The following TXLNG variants were observed in gnomAD, a reference collection of about 807,000 sequenced individuals.
The protein encoded by TXLNG is taxilin gamma.
TXLNG carries 5 observed loss-of-function variants against 38.8 expected under a neutral mutation model. The ratio of observed to expected loss-of-function variants is 0.13; its 90% CI spans 0.07 to 0.27. The LOEUF is 0.27. TXLNG is among the 10% of genes least tolerant of loss of function. The pLI, the probability that TXLNG is intolerant of heterozygous loss-of-function variation, is 1.00. For synonymous variants in TXLNG, 182 were observed against 158.2 expected (o/e 1.15, Z -1.13); for missense variants, 393 against 398.2 (o/e 0.99, Z 0.11).
Position 16,814,606 on chromosome X carries a change from C to T in TXLNG, c.103-3968C>T, listed in dbSNP as rs1389425542. 4.5e-5 allele frequency among the ~76,000 whole-genome samples: 5 copies of T among 111,557 alleles called. No individual in the cohort carries two copies. The East Asian group carries it at 1.4e-3, about 31-fold the overall frequency. On this transcript the variant is annotated intron_variant, in intron 1 of 9. Transcript: ENST00000380122. ...CTCCAGCCTGGGTGACAGAGTGAGA[C>T]TCCATCTCAAAAGAAAAAATAGGCA...
intron 3 of TXLNG, among the ~76,000 whole-genome samples, chrX:16,827,352 G>T (rs986832175): frequency 8.9e-6 from 1 of 111,774 alleles, no homozygotes; most frequent in Non-Finnish European, 1.9e-5. Context: ...TTCGGGACAT[G>T]CCTGGCTTTA....
chrX:16,822,692 G>T (rs1929021952), intron 3 of TXLNG, among the ~76,000 whole-genome samples: 1 of 112,198 alleles, frequency 8.9e-6, no homozygotes, highest in African/African-American at 3.2e-5. Flanking sequence ...AGAAAAAGCA[G>T]TGTCGAAGGT....
At chrX:16,790,505 T>C (rs1927664840) in intron 1 of TXLNG, among the ~76,000 whole-genome samples, 2 of 111,568 alleles carry the variant, frequency 1.8e-5, no homozygotes, top group Admixed American at 1.9e-4. Flanking sequence ...CCTGGCCTGA[T>C]CTTTTTACTG....
chrX:16,841,617 T>G lies in TXLNG; in HGVS notation c.1438T>G (p.Cys480Gly). The stretch of plus-strand genomic sequence containing the variant: ...TTTAGCAACACCTGTGATGCAGCCC[T>G]GTACTGCCCTGGATTCTCACAAGGA... ...RDLATPVMQP[C>G]TALDSHKELN... is the part of the protein sequence containing the mutation. Residue 480 changes from cysteine to glycine, a missense_variant, in exon 10 of 10, where the codon TGT (cysteine) becomes GGT (glycine). Transcript: ENST00000380122. 8.3e-7 allele frequency: 1 copy of G among 1,211,541 alleles called. No homozygotes were observed. Among genetic ancestry groups the G allele is most frequent in the Non-Finnish European group, 1.1e-6 (1 of 895,510 alleles).
chrX:16,834,653 CCTTT>C (rs1422925321), intron 7 of TXLNG, among the ~76,000 whole-genome samples: 1 of 111,625 alleles, frequency 9.0e-6, no homozygotes, highest in Admixed American at 9.5e-5. Context: ...CTTCAGTGAC[CCTTT>C]CTAAGAGCCC....
Position 16,837,674 on chromosome X carries a change from G to C in TXLNG, c.1141G>C (p.Glu381Gln). The change falls in exon 8 of 10, where the codon GAA becomes CAA. Residue 381 changes from glutamate to glutamine, a missense_variant. Coordinates refer to ENST00000380122, the MANE Select transcript of TXLNG (RefSeq NM_018360.3). The part of the protein sequence containing the change: ...SNELFTTFRQ[E>Q]MEKMTKKIKK... ...TGAACTGTTTACAACCTTCAGACAG[G>C]AAATGGAAAAGGTATTTACATATTT... 1 of 1,193,405 alleles carries C rather than the reference G, an allele frequency of 8.4e-7. No individual in the cohort carries two copies. The highest frequency in any genetic ancestry group is 1.1e-6 in the Non-Finnish European group (1 of 883,711).
chrX:16,828,504 G>A (rs990165356), intron 4 of TXLNG, among the ~76,000 whole-genome samples: 7 of 111,987 alleles, frequency 6.3e-5, no homozygotes, highest in African/African-American at 1.3e-4. Flanking sequence ...CTTGGCTCCC[G>A]GGAATCTACG....
At chrX:16,794,169 C>T (rs1927798046) in intron 1 of TXLNG, among the ~76,000 whole-genome samples, 1 of 111,832 alleles carries the variant, frequency 8.9e-6, no homozygotes, top group Non-Finnish European at 1.9e-5. Context: ...GCTCCAAAGC[C>T]ATTGTCCATA....
chrX:16,818,892 A>T lies in TXLNG; in HGVS notation c.406+15A>T. On this transcript the variant is annotated intron_variant, in intron 2 of 9. Coordinates refer to ENST00000380122, the MANE Select transcript of TXLNG (RefSeq NM_018360.3). ...AAAAACTTTAGGTAATAATCCGTTC[A>T]GTGGTTGGACGTTTCACATGCTAAT... The T allele has an allele frequency of 8.5e-7, 1 of 1,179,733 alleles. No homozygotes were observed. Among genetic ancestry groups the T allele is most frequent in the African/African-American group, 1.8e-5 (1 of 56,602 alleles).
rs1929914777 is a variant in TXLNG, at chrX:16,842,949, T to C, written c.*1183T>C. On this transcript the variant is annotated 3_prime_UTR_variant, in exon 10 of 10. Transcript: ENST00000380122. ...AAAGCCACAGTATTATCAAGGTCTC[T>C]ACACTTGGACTGGGGGAAAATTTGA... is the stretch of plus-strand genomic sequence containing the variant. The C allele has an allele frequency of 8.9e-6, 1 of 112,356 alleles. No individual in the cohort carries two copies. The allele number at this position is 112,356 out of a possible 1,213,427, so 9.3% of individuals were successfully genotyped here.
At chrX:16,806,108 A>G (rs2147469974) in intron 1 of TXLNG, among the ~76,000 whole-genome samples, 1 of 112,822 alleles carries the variant, frequency 8.9e-6, no homozygotes, top group South Asian at 3.6e-4. Flanking sequence ...CACTGTTTTA[A>G]ATGACTTATA....
Position 16,808,661 on chromosome X carries a change from A to G in TXLNG, c.103-9913A>G, listed in dbSNP as rs112798188. 2.4e-3 allele frequency among the ~76,000 whole-genome samples: 264 copies of G among 111,263 alleles called. 1 individual carries two copies. The highest frequency in any genetic ancestry group is 7.9e-3 in the African/African-American group (242 of 30,637). On this transcript the variant is annotated intron_variant, in intron 1 of 9. Transcript: ENST00000380122. The stretch of plus-strand genomic sequence containing the variant: ...TGGCATATGGTATGTGCTACAGGGT[A>G]TTTTGCTTTTTCCCTTATTAACGTG...
intron 7 of TXLNG, among the ~76,000 whole-genome samples, chrX:16,836,195 G>A (rs190429112): frequency 4.5e-5 from 5 of 111,985 alleles, no homozygotes; most frequent in South Asian, 3.8e-4. Context: ...GAGGGAGGTC[G>A]AGGCTGCAAT....
intron 4 of TXLNG, among the ~76,000 whole-genome samples, chrX:16,828,849 T>C (rs1163278689): frequency 9.0e-6 from 1 of 111,682 alleles, no homozygotes; most frequent in East Asian, 2.8e-4. Flanking sequence ...ATCTGCCTCT[T>C]AGAATGGGAC....
At chrX:16,823,027 T>C (rs1929032885) in intron 3 of TXLNG, among the ~76,000 whole-genome samples, 1 of 111,904 alleles carries the variant, frequency 8.9e-6, no homozygotes, top group Non-Finnish European at 1.9e-5. Flanking sequence ...AATGACTGTG[T>C]TCATTTCAGG....
At chrX:16,788,904 G>T (rs1404749292) in intron 1 of TXLNG, among the ~76,000 whole-genome samples, 1 of 111,425 alleles carries the variant, frequency 9.0e-6, no homozygotes, top group Non-Finnish European at 1.9e-5. Context: ...CTGGCCTCAG[G>T]TAAGCCACCC....
chrX:16,822,140 C>CA (rs979472343), intron 3 of TXLNG, among the ~76,000 whole-genome samples: 4 of 108,781 alleles, frequency 3.7e-5, no homozygotes, highest in African/African-American at 1.3e-4. Flanking sequence ...AGATCAAGAC[C>CA]ATCCTGGCTA....
At position 16,841,978 on chromosome X, in the gene TXLNG, C is replaced by T. The variant is rs1377049045; in HGVS notation, c.*212C>T. 14 of 410,412 alleles carry T rather than the reference C, an allele frequency of 3.4e-5. No individual in the cohort carries two copies. The highest frequency in any genetic ancestry group is 5.8e-5 in the Non-Finnish European group (14 of 239,420). The allele number at this position is 410,412 out of a possible 1,213,427, so 33.8% of individuals were successfully genotyped here. On this transcript the variant is annotated 3_prime_UTR_variant, in exon 10 of 10. Transcript: ENST00000380122. ...TTCCTCAGCTGTGTTGCACATCAGC[C>T]TCGTTCTCCCTCCACTGGAATGCAT...
At chrX:16,791,876 G>A (rs1336934580) in intron 1 of TXLNG, among the ~76,000 whole-genome samples, 1 of 112,285 alleles carries the variant, frequency 8.9e-6, no homozygotes, top group African/African-American at 3.2e-5. Flanking sequence ...ATGAGCCACC[G>A]CGCCCTGCCT....
Sources: gnomAD v4.1 joint callset for allele counts (sites outside exome capture counted in the v4.1 genomes callset) on GRCh38, gnomAD v4.1.1 for gene constraint, MANE v1.5 for transcripts, NCBI Gene and HGNC (gene_info 2026-07-23, HGNC 2026-07-21) for gene names.